The following GSAP variants were observed in gnomAD, a reference collection of about 807,000 sequenced individuals.
GSAP encodes the protein gamma-secretase-activating protein.
GSAP carries 118 observed loss-of-function variants against 131.7 expected under a neutral mutation model. The observed-to-expected ratio is 0.90, with a 90% CI of 0.77 to 1.04. The LOEUF (loss-of-function observed/expected upper bound fraction) is 1.04, where lower values mean the gene tolerates loss of function less well. Among genes scored for constraint, GSAP ranks in the 50% least tolerant of loss-of-function variants. GSAP has a pLI of 0.00. For missense variants in GSAP, 1,019 were observed against 1,013.2 expected (o/e 1.01, Z -0.08); for synonymous variants, 381 against 363.4 (o/e 1.05, Z -0.55).
intron 3 of GSAP, among the ~76,000 whole-genome samples, chr7:77,398,620 A>C (rs1485404286): frequency 6.6e-6 from 1 of 152,174 alleles, no homozygotes; most frequent in Non-Finnish European, 1.5e-5. Context: ...TTTTAAAAAA[A>C]TATGCCAGGC....
intron 5 of GSAP, among the ~76,000 whole-genome samples, chr7:77,389,519 T>C (rs1799128906): frequency 1.4e-5 from 2 of 142,842 alleles, no homozygotes. Flanking sequence ...CACCTATGAG[T>C]GAGAACACGC....
intron 19 of GSAP, among the ~76,000 whole-genome samples, chr7:77,344,424 G>C (rs914779970): frequency 1.3e-5 from 2 of 152,172 alleles, no homozygotes; most frequent in African/African-American, 4.8e-5. Context: ...ACAGGGTACA[G>C]CCCATTTGAG....
chr7:77,353,841 T>C (rs1473497865), intron 16 of GSAP, 200 bp from the exon 17 acceptor site: 10 of 462,250 alleles, frequency 2.2e-5, no homozygotes, highest in Non-Finnish European at 3.8e-5. Flanking sequence ...AGTGAGATCC[T>C]TTTTATACAT....
At chr7:77,414,780 G>T (rs1230306091) in intron 1 of GSAP, among the ~76,000 whole-genome samples, 1 of 147,014 alleles carries the variant, frequency 6.8e-6, no homozygotes, top group African/African-American at 2.5e-5. Flanking sequence ...GGTAGTAGAA[G>T]ACAGAGCTGC....
intron 19 of GSAP, among the ~76,000 whole-genome samples, chr7:77,343,409 C>T (rs1791310879): frequency 6.6e-6 from 1 of 152,186 alleles, no homozygotes; most frequent in Non-Finnish European, 1.5e-5. Flanking sequence ...ATATGCCTTC[C>T]ATATCCTGCA....
At chr7:77,383,318 T>TCA (rs10539947) in intron 6 of GSAP, among the ~76,000 whole-genome samples, 3,432 of 150,294 alleles carry the variant, frequency 0.023, 45 homozygotes, top group African/African-American at 0.034. Context: ...ATGTTCTATT[T>TCA]CACACACACA....
At chr7:77,325,564 A>T (rs953618620) in intron 23 of GSAP, among the ~76,000 whole-genome samples, 2 of 151,912 alleles carry the variant, frequency 1.3e-5, no homozygotes, top group Non-Finnish European at 2.9e-5. Flanking sequence ...TGTTGTTTTT[A>T]TGTTGTTGTT....
At chr7:77,360,352 G>A (rs560851031) in intron 14 of GSAP, among the ~76,000 whole-genome samples, 1 of 152,186 alleles carries the variant, frequency 6.6e-6, no homozygotes, top group South Asian at 2.1e-4. Context: ...TTTACTCAAT[G>A]AAAACAACTC....
intron 1 of GSAP, 34 bp downstream of exon 1, chr7:77,416,179 G>GCCCCCCCCCCCCC: frequency 2.3e-6 from 1 of 435,044 alleles, no homozygotes; most frequent in Non-Finnish European, 3.8e-6. Context: ...CCCACTCCCC[G>GCCCCCCCCCCCCC]CCCCCACCCC....
At chr7:77,383,185 T>A (rs6465599) in intron 6 of GSAP, among the ~76,000 whole-genome samples, 2 of 151,992 alleles carry the variant, frequency 1.3e-5, no homozygotes, top group African/African-American at 2.4e-5. Context: ...AGACTCTGTC[T>A]AAAAATAAAG....
chr7:77,317,812 ATTAAGAAT>A (rs1467915839), intron 26 of GSAP, among the ~76,000 whole-genome samples: 2 of 152,256 alleles, frequency 1.3e-5, no homozygotes, highest in Non-Finnish European at 2.9e-5. Context: ...ACAACAAACA[ATTAAGAAT>A]TTAAGCCACA....
Position 77,321,346 on chromosome 7 carries a change from A to C in GSAP, c.1981T>G (p.Trp661Gly). 1.3e-6 allele frequency: 2 copies of C among 1,597,694 alleles called. No homozygotes were observed. The highest frequency in any genetic ancestry group is 1.3e-5 in the African/African-American group (1 of 74,706). ...ATACTTGCGTACAAGTGGAGAACCCAGGAATGAAGATTATGTTTCCTCCAA... is the reference window on the plus strand; with the variant it reads ...ATACTTGCGTACAAGTGGAGAACCCCGGAATGAAGATTATGTTTCCTCCAA... The part of the protein sequence containing the change: ...TNWRKHNLHS[W>G]VLHFNSRGSA... The change falls in exon 25 of 31, where the codon TGG becomes GGG. Residue 661 changes from tryptophan to glycine, a missense_variant. Coordinates refer to ENST00000257626, the MANE Select transcript of GSAP (RefSeq NM_017439.4).
chr7:77,415,067 A>G (rs1464922099), intron 1 of GSAP, among the ~76,000 whole-genome samples: 4 of 152,204 alleles, frequency 2.6e-5, no homozygotes, highest in Admixed American at 2.6e-4. Flanking sequence ...TCCACCTCGA[A>G]AAAAAGTAAA....
intron 26 of GSAP, among the ~76,000 whole-genome samples, chr7:77,318,486 T>A (rs78676491): frequency 0.091 from 13,882 of 152,238 alleles, 784 homozygotes; most frequent in Non-Finnish European, 0.11. Flanking sequence ...AGTAACTAAA[T>A]ATCAGCTGAT....
intron 19 of GSAP, among the ~76,000 whole-genome samples, chr7:77,348,462 C>G (rs1036223692): frequency 1.3e-5 from 2 of 152,130 alleles, no homozygotes; most frequent in Admixed American, 1.3e-4. Context: ...CAGTGAATCA[C>G]TGTGACCTAA....
intron 12 of GSAP, among the ~76,000 whole-genome samples, chr7:77,371,385 T>A (rs1481042580): frequency 6.6e-6 from 1 of 151,916 alleles, no homozygotes; most frequent in Non-Finnish European, 1.5e-5. Context: ...CTGCTCATCT[T>A]CCCACTTTTT....
intron 8 of GSAP, among the ~76,000 whole-genome samples, chr7:77,378,738 T>TCCTC (rs1797351804): frequency 6.6e-6 from 1 of 152,204 alleles, no homozygotes. Context: ...CGTCCTGGAA[T>TCCTC]CCTCCCAGTG....
chr7:77,376,397 A>T (rs1366336772), intron 10 of GSAP, among the ~76,000 whole-genome samples: 2 of 152,222 alleles, frequency 1.3e-5, no homozygotes, highest in Admixed American at 1.3e-4. Context: ...GGTGGCAAGA[A>T]CTAATTTTAC....
intron 23 of GSAP, among the ~76,000 whole-genome samples, chr7:77,325,878 T>C (rs532467645): frequency 1.6e-4 from 24 of 152,338 alleles, no homozygotes; most frequent in African/African-American, 5.1e-4. Context: ...GCCTGTTCTG[T>C]TGTATTTGAA....
Sources: allele counts gnomAD v4.1 joint callset (sites outside exome capture counted in the v4.1 genomes callset), GRCh38; gene constraint gnomAD v4.1.1; transcripts MANE v1.5; gene names NCBI Gene and HGNC (gene_info 2026-07-23, HGNC 2026-07-21).